The following TBXA2R variants were observed in gnomAD, a reference collection of about 807,000 sequenced individuals.
TBXA2R encodes thromboxane A2 receptor.
A neutral mutation model predicts 15.6 loss-of-function variants in TBXA2R; 15 were observed. The ratio of observed to expected loss-of-function variants is 0.96; its 90% confidence interval spans 0.64 to 1.48. The LOEUF is 1.48. TBXA2R is among the 40% of genes most tolerant of loss of function. The pLI is 0.00. For synonymous variants in TBXA2R, 280 were observed against 241.2 expected, an observed-to-expected ratio of 1.16 and a Z score of -1.49; for missense variants, 506 against 491.4, an observed-to-expected ratio of 1.03 and a Z score of -0.28.
chr19:3,601,782 C>T (rs549231619), intron 1 of TBXA2R, among the ~76,000 whole-genome samples: 10 of 152,074 alleles, frequency 6.6e-5, no homozygotes, highest in Non-Finnish European at 1.2e-4. Flanking sequence ...CAAAAAGTAG[C>T]CAGGCATGGT....
In TBXA2R at chr19:3,595,095, A is replaced by G; in HGVS notation, c.*593T>C. ...ACTCCGTCTAAAAAAAAAAAAAAAA[A>G]TGGCCAGGTGTGGTGGTTCATGCCT... On this transcript the variant is annotated 3_prime_UTR_variant, in exon 3 of 3. Coordinates refer to ENST00000375190, the MANE Select transcript of TBXA2R (RefSeq NM_001060.6). 2 of 730,714 alleles carry G rather than the reference A, an allele frequency of 2.7e-6. No individual in the cohort carries two copies. Among genetic ancestry groups the G allele is most frequent in the Non-Finnish European group, 4.4e-6 (2 of 459,272 alleles). 45.3% of individuals were successfully genotyped at this position (730,714 alleles called of 1,614,324 possible). A position where few individuals can be genotyped will look rare whatever the true frequency, so the allele number is the denominator to read the frequency against.
chr19:3,594,807 G>T lies in TBXA2R; in HGVS notation c.*881C>A. The T allele has an allele frequency of 6.6e-7, 1 of 1,515,138 alleles. No individual in the cohort carries two copies. Among genetic ancestry groups the T allele is most frequent in the South Asian group, 1.2e-5 (1 of 83,018 alleles). 93.9% of individuals were successfully genotyped at this position (1,515,138 alleles called of 1,614,324 possible). A position where few individuals can be genotyped will look rare whatever the true frequency, so the allele number is the denominator to read the frequency against. ...AAACCAAAGGCAGAGATATATTTTG[G>T]CAAGAAAAGGGGGTGCCCCCGTTCA... On this transcript the variant is annotated 3_prime_UTR_variant, in exon 3 of 3. Coordinates refer to ENST00000375190, the MANE Select transcript of TBXA2R (RefSeq NM_001060.6).
intron 1 of TBXA2R, among the ~76,000 whole-genome samples, chr19:3,603,640 A>G (rs1488303210): frequency 6.7e-6 from 1 of 150,366 alleles, no homozygotes; most frequent in Non-Finnish European, 1.5e-5. Flanking sequence ...ACCACACTCC[A>G]CTCCACTCAC....
Position 3,595,100 on chromosome 19 carries a change from C to T in TBXA2R, c.*588G>A. The T allele has an allele frequency of 1.4e-6, 1 of 713,618 alleles. No homozygotes were observed. Among genetic ancestry groups the T allele is most frequent in the East Asian group, 2.9e-5 (1 of 34,108 alleles). 44.2% of individuals were successfully genotyped at this position (713,618 alleles called of 1,614,324 possible). A position where few individuals can be genotyped will look rare whatever the true frequency, so the allele number is the denominator to read the frequency against. The stretch of plus-strand genomic sequence containing the variant: ...GTCTAAAAAAAAAAAAAAAAATGGC[C>T]AGGTGTGGTGGTTCATGCCTGTGAT... On this transcript the variant is annotated 3_prime_UTR_variant, in exon 3 of 3. Coordinates refer to ENST00000375190, the MANE Select transcript of TBXA2R (RefSeq NM_001060.6).
intron 2 of TBXA2R, chr19:3,598,032 G>C (rs552255790): frequency 6.6e-6 from 1 of 152,276 alleles, no homozygotes; most frequent in Non-Finnish European, 1.5e-5. Flanking sequence ...CTCCCAGGGC[G>C]CACCCTCATA....
intron 1 of TBXA2R, 108 bp from the exon 2 acceptor site, chr19:3,600,825 G>T: frequency 8.8e-6 from 4 of 453,188 alleles, no homozygotes; most frequent in Non-Finnish European, 1.2e-5. Context: ...TATCCTCTCC[G>T]GTTTTTTTTT....
chr19:3,602,413 G>C (rs1399952369), intron 1 of TBXA2R, among the ~76,000 whole-genome samples: 1 of 152,028 alleles, frequency 6.6e-6, no homozygotes, highest in African/African-American at 2.4e-5. Flanking sequence ...CTGTGTGCGA[G>C]ATGGAGGTGC....
At chr19:3,598,196 G>A (rs1204195412) in intron 2 of TBXA2R, 1 of 152,446 alleles carries the variant, frequency 6.6e-6, no homozygotes, top group Non-Finnish European at 1.5e-5. Context: ...TGGGCAAGGT[G>A]CGTCTGCAGG....
chr19:3,596,438 G>C (rs1047941024), intron 2 of TBXA2R, among the ~76,000 whole-genome samples: 7 of 152,258 alleles, frequency 4.6e-5, no homozygotes, highest in Non-Finnish European at 7.4e-5. Context: ...CCAGGCAGTG[G>C]CTCACGCCTG....
In TBXA2R at chr19:3,595,806, G is replaced by A. The variant is rs374635591; in HGVS notation, c.914C>T (p.Pro305Leu). ...GCGGCGGAACAGGATATACACCCAG[G>A]GGTCCAGGATCTGGTTCCAGGTGGC... ...RVATWNQILDPWVYILFRRAV... is the reference protein window; with the variant it reads ...RVATWNQILDLWVYILFRRAV... Residue 305 changes from proline to leucine, a missense_variant, in exon 3 of 3, where the codon CCC becomes CTC. Physicochemically the swap from Pro to Leu is moderately conservative, Grantham distance 98 (BLOSUM62 -3). Transcript: ENST00000375190. The A allele has an allele frequency of 1.2e-6, 2 of 1,611,840 alleles. No individual in the cohort carries two copies.
Position 3,600,560 on chromosome 19 carries a change from G to A in TBXA2R, c.75C>T (p.Ile25=), listed in dbSNP as rs769120773. 6.2e-7 allele frequency: 1 copy of A among 1,611,782 alleles called. No homozygotes were observed. The highest frequency in any genetic ancestry group is 1.7e-5 in the Admixed American group (1 of 59,942). Residue 25 remains isoleucine (I), a synonymous_variant, in exon 2 of 3, where the codon ATC becomes ATT. Coordinates refer to ENST00000375190, the MANE Select transcript of TBXA2R (RefSeq NM_001060.6). The part of the protein sequence containing the change: ...TNITLEERRL[I]ASPWFAASFC... ...AGGAGGCGGCGAACCAGGGCGAGGC[G>A]ATCAGCCGTCTCTCCTCCAGGGTAA...
chr19:3,595,374 G>A lies in TBXA2R; in HGVS notation c.*314C>T, dbSNP rs8113664. On this transcript the variant is annotated 3_prime_UTR_variant, in exon 3 of 3. Transcript: ENST00000375190. ...AGCCTGGGGGACAGAGCAAGACTCC[G>A]TCTAAAAAAAAAAATAGCAATGCAA... The A allele has an allele frequency of 0.011, 14,789 of 1,372,488 alleles. 939 individuals carry two copies. The African/African-American group carries it at 0.16, about 15-fold the overall frequency. 85.0% of individuals were successfully genotyped at this position (1,372,488 alleles called of 1,614,324 possible). A position where few individuals can be genotyped will look rare whatever the true frequency, so the allele number is the denominator to read the frequency against.
intron 1 of TBXA2R, 115 bp from the exon 2 acceptor site, chr19:3,600,832 T>TTTTG: frequency 3.3e-6 from 2 of 609,864 alleles, no homozygotes; most frequent in African/African-American, 2.0e-5. Flanking sequence ...TCCGGTTTTT[T>TTTTG]TTTTTTTTTT....
chr19:3,601,730 C>G (rs982914134), intron 1 of TBXA2R, among the ~76,000 whole-genome samples: 1 of 151,362 alleles, frequency 6.6e-6, no homozygotes, highest in African/African-American at 2.4e-5. Flanking sequence ...AGTTCGAAAC[C>G]AGCCTAGCCA....
intron 2 of TBXA2R, among the ~76,000 whole-genome samples, chr19:3,596,825 C>A (rs959440852): frequency 6.6e-6 from 1 of 151,816 alleles, no homozygotes; most frequent in Admixed American, 6.6e-5. Flanking sequence ...TTGTGATCTG[C>A]CCTCCTCGGC....
rs776886771 is a variant in TBXA2R, at chr19:3,600,649, G to A, written c.-15C>T. The A allele has an allele frequency of 1.6e-5, 25 of 1,610,830 alleles. No homozygotes were observed. The highest frequency in any genetic ancestry group is 3.3e-5 in the Admixed American group (2 of 59,776). ...TTGGGCCACATGGCTCCGGAGCCCT[G>A]AGGGATCAGTCACCACCCCATCAGG... On this transcript the variant is annotated 5_prime_UTR_variant, in exon 2 of 3. Coordinates refer to ENST00000375190, the MANE Select transcript of TBXA2R (RefSeq NM_001060.6).
In TBXA2R at chr19:3,595,123, G is replaced by A; in HGVS notation, c.*565C>T. 1 of 675,996 alleles carries A rather than the reference G, an allele frequency of 1.5e-6. No homozygotes were observed. Among genetic ancestry groups the A allele is most frequent in the Non-Finnish European group, 2.4e-6 (1 of 412,352 alleles). The allele number at this position is 675,996 out of a possible 1,614,324, so 41.9% of individuals were successfully genotyped here. On this transcript the variant is annotated 3_prime_UTR_variant, in exon 3 of 3. Transcript: ENST00000375190. ...GCCAGGTGTGGTGGTTCATGCCTGT[G>A]ATCCCAGCACTTTGGGAGGCTGAGG...
intron 2 of TBXA2R, 141 bp from the exon 3 acceptor site, chr19:3,596,074 G>A: frequency 8.9e-7 from 1 of 1,119,914 alleles, no homozygotes; most frequent in Non-Finnish European, 1.3e-6. Context: ...TGTCGTCCAG[G>A]CTGGAGTGCA....
At chr19:3,600,826 GTTTTTTTT>G in intron 1 of TBXA2R, 109 bp from the exon 2 acceptor site, 1 of 399,762 alleles carries the variant, frequency 2.5e-6, no homozygotes, top group Non-Finnish European at 4.5e-6. Context: ...ATCCTCTCCG[GTTTTTTTT>G]TTTTTTTTTT....
Sources: gnomAD v4.1 joint callset for allele counts (sites outside exome capture counted in the v4.1 genomes callset) on GRCh38, gnomAD v4.1.1 for gene constraint, MANE v1.5 for transcripts, NCBI Gene and HGNC (gene_info 2026-07-23, HGNC 2026-07-21) for gene names.